Variants in CAMK1D observed in about 807,000 individuals in gnomAD.
CAMK1D encodes the protein calcium/calmodulin-dependent protein kinase type 1D.
A neutral mutation model predicts 47.7 loss-of-function variants in CAMK1D; 9 were observed. That is an observed-to-expected ratio of 0.19 (90% confidence interval 0.11 to 0.33). The LOEUF is 0.33. CAMK1D is among the 10% of genes least tolerant of loss of function. The pLI is 1.00. For missense variants in CAMK1D, 291 were observed against 488.7 expected (o/e 0.60, Z 3.81); for synonymous variants, 184 against 184.9 (o/e 0.99, Z 0.04).
At chr10:12,551,351 C>G (rs1836571067) in intron 1 of CAMK1D, among the ~76,000 whole-genome samples, 1 of 152,142 alleles carries the variant, frequency 6.6e-6, no homozygotes. Flanking sequence ...GTCCCATCAC[C>G]CCCAGATGGG....
At chr10:12,362,571 C>T (rs1837701384) in intron 1 of CAMK1D, among the ~76,000 whole-genome samples, 1 of 152,194 alleles carries the variant, frequency 6.6e-6, no homozygotes, top group African/African-American at 2.4e-5. Flanking sequence ...CATCTCAGCT[C>T]ACTGCAAGCT....
intron 3 of CAMK1D, among the ~76,000 whole-genome samples, chr10:12,703,012 G>A (rs1833584076): frequency 6.6e-6 from 1 of 152,198 alleles, no homozygotes; most frequent in Non-Finnish European, 1.5e-5. Flanking sequence ...GTATGTAAAA[G>A]GGATGCCCAG....
At chr10:12,567,053 C>G (rs545434049) in intron 2 of CAMK1D, among the ~76,000 whole-genome samples, 2 of 152,136 alleles carry the variant, frequency 1.3e-5, no homozygotes, top group Non-Finnish European at 2.9e-5. Flanking sequence ...GCTTTGCTCT[C>G]ATTTGAGGTG....
chr10:12,764,193 C>G (rs542776249), intron 4 of CAMK1D, among the ~76,000 whole-genome samples: 1 of 152,076 alleles, frequency 6.6e-6, no homozygotes, highest in South Asian at 2.1e-4. Flanking sequence ...CCAGCCTGAC[C>G]AACATGGTGA....
rs1479198615 is a variant in CAMK1D at position 12,694,276 on chromosome 10, TACATA to T, written c.299+27468_299+27472del. On this transcript the variant is annotated intron_variant, in intron 3 of 10. Coordinates refer to ENST00000619168, the MANE Select transcript of CAMK1D (RefSeq NM_153498.4). ...TATGTATAATATATAATATATATTA[TACATA>T]ATATAAAATATATATTATATATAAA... Among the ~76,000 whole-genome samples the T allele has an allele frequency of 2.3e-4, 18 of 78,700 alleles. 3 individuals carry two copies. Among genetic ancestry groups the T allele is most frequent in the Non-Finnish European group, 3.9e-4 (18 of 46,358 alleles). The allele number at this position is 78,700 out of a possible 152,430, so 51.6% of individuals were successfully genotyped here. A position where few individuals can be genotyped will look rare whatever the true frequency, so the allele number is the denominator to read the frequency against.
At chr10:12,772,473 C>T (rs897659174) in intron 5 of CAMK1D, among the ~76,000 whole-genome samples, 4 of 152,304 alleles carry the variant, frequency 2.6e-5, no homozygotes, top group African/African-American at 7.2e-5. Context: ...CCCCTAGCTA[C>T]GTACGCATCA....
intron 3 of CAMK1D, among the ~76,000 whole-genome samples, chr10:12,749,536 T>C (rs1164198061): frequency 7.2e-6 from 1 of 138,432 alleles, no homozygotes; most frequent in African/African-American, 2.9e-5. Context: ...TGTTTGTTTG[T>C]TTGTTTGTTT....
At chr10:12,637,116 T>C (rs927077855) in intron 2 of CAMK1D, among the ~76,000 whole-genome samples, 1 of 152,078 alleles carries the variant, frequency 6.6e-6, no homozygotes, top group Non-Finnish European at 1.5e-5. Context: ...GGATTATAGA[T>C]GTGCACCACC....
At chr10:12,763,908 G>A (rs1836620385) in intron 4 of CAMK1D, among the ~76,000 whole-genome samples, 1 of 152,184 alleles carries the variant, frequency 6.6e-6, no homozygotes, top group South Asian at 2.1e-4. Context: ...GACACCAGGA[G>A]GAATTGTGAT....
chr10:12,520,764 C>CA (rs1369674765), intron 1 of CAMK1D, among the ~76,000 whole-genome samples: 2 of 37,304 alleles, frequency 5.4e-5, no homozygotes, highest in Non-Finnish European at 1.1e-4. Context: ...CAGTCTCCAC[C>CA]AAAAAAAAAC....
Position 12,834,131 on chromosome 10 carries a change from G to GTGTGCAGATGAGTTAGCT in CAMK1D, c.*5247_*5264dup, listed in dbSNP as rs1206774981. ...TTTCCTGAAGACTCCAAGAAAATGA[G>GTGTGCAGATGAGTTAGCT]TGTGCAGATGAGTTAGCTTGACAAC... On this transcript the variant is annotated 3_prime_UTR_variant, in exon 11 of 11. Coordinates refer to ENST00000619168, the MANE Select transcript of CAMK1D (RefSeq NM_153498.4). 1 of 152,222 alleles carries GTGTGCAGATGAGTTAGCT rather than the reference G, an allele frequency of 6.6e-6. No homozygotes were observed. Among genetic ancestry groups the GTGTGCAGATGAGTTAGCT allele is most frequent in the Non-Finnish European group, 1.5e-5 (1 of 68,050 alleles). 9.4% of individuals were successfully genotyped at this position (152,222 alleles called of 1,614,324 possible). A position where few individuals can be genotyped will look rare whatever the true frequency, so the allele number is the denominator to read the frequency against.
At chr10:12,751,094 A>AAGATAAGATAAGATAAGATAAGATAAGAT (rs1588885341) in intron 3 of CAMK1D, among the ~76,000 whole-genome samples, 2 of 92,732 alleles carry the variant, frequency 2.2e-5, no homozygotes, top group East Asian at 3.6e-4. Flanking sequence ...AAGATAAGAT[A>AAGATAAGATAAGATAAGATAAGATAAGAT]AGATAAGATA....
chr10:12,647,874 C>T (rs541229649), intron 2 of CAMK1D, among the ~76,000 whole-genome samples: 1 of 152,228 alleles, frequency 6.6e-6, no homozygotes, highest in East Asian at 1.9e-4. Flanking sequence ...TTCCTGGGAC[C>T]CTCCTCCTGA....
At chr10:12,607,260 C>A (rs1227483216) in intron 2 of CAMK1D, among the ~76,000 whole-genome samples, 1 of 152,202 alleles carries the variant, frequency 6.6e-6, no homozygotes. Context: ...GCCTTTCCAA[C>A]TGGGCTTTAA....
intron 3 of CAMK1D, among the ~76,000 whole-genome samples, chr10:12,696,499 T>C (rs1386405006): frequency 1.3e-5 from 2 of 152,162 alleles, no homozygotes; most frequent in Non-Finnish European, 2.9e-5. Flanking sequence ...ATCGTGCCAT[T>C]GCACTCCAGC....
intron 2 of CAMK1D, among the ~76,000 whole-genome samples, chr10:12,638,359 C>T (rs1243674454): frequency 6.6e-6 from 1 of 152,174 alleles, no homozygotes; most frequent in East Asian, 1.9e-4. Context: ...ATCTACCCAG[C>T]CTCCGCCTCC....
intron 3 of CAMK1D, among the ~76,000 whole-genome samples, chr10:12,683,117 C>T (rs541240326): frequency 6.9e-6 from 1 of 143,966 alleles, no homozygotes; most frequent in East Asian, 2.0e-4. Context: ...GATGGAGTCT[C>T]GCTTTGTTGC....
chr10:12,456,333 G>T (rs1370717578), intron 1 of CAMK1D: 3 of 152,068 alleles, frequency 2.0e-5, no homozygotes, highest in African/African-American at 7.2e-5. Context: ...AGGCTTTCAA[G>T]TCTTTTTGAG....
Position 12,743,355 on chromosome 10 carries a change from A to AAAAAAAAAAAGAAAAG in CAMK1D, c.300-17589_300-17588insAAAAAAGAAAAGAAAA, listed in dbSNP as rs1461631779. Among the ~76,000 whole-genome samples, 637 of 118,104 alleles carry AAAAAAAAAAAGAAAAG rather than the reference A, an allele frequency of 5.4e-3. 11 individuals are homozygous for AAAAAAAAAAAGAAAAG. The highest frequency in any genetic ancestry group is 0.017 in the African/African-American group (596 of 35,246). The allele number at this position is 118,104 out of a possible 152,430, so 77.5% of individuals were successfully genotyped here. On this transcript the variant is annotated intron_variant, in intron 3 of 10. Coordinates refer to ENST00000619168, the MANE Select transcript of CAMK1D (RefSeq NM_153498.4). ...GGGTAAGACCCTGTCTCAAAAAAAA[A>AAAAAAAAAAAGAAAAG]AAAAGAAAAAAGAAAAAAAGAAAAA...
Sources: allele counts gnomAD v4.1 joint callset (sites outside exome capture counted in the v4.1 genomes callset), GRCh38; gene constraint gnomAD v4.1.1; transcripts MANE v1.5; gene names NCBI Gene and HGNC (gene_info 2026-07-23, HGNC 2026-07-21).